ADCY3: variants seen among roughly 807,000 people sequenced by gnomAD.
ADCY3 encodes the protein adenylate cyclase type 3.
Under a neutral mutation model 119.4 loss-of-function variants are expected in ADCY3, and 70 were observed. The ratio of observed to expected loss-of-function variants is 0.59; its 90% confidence interval spans 0.48 to 0.72. ADCY3 has a LOEUF of 0.72. Among genes scored for constraint, ADCY3 ranks in the 30% least tolerant of loss-of-function variants. ADCY3 has a pLI of 0.00. For synonymous variants in ADCY3, 672 were observed against 621.4 expected, an observed-to-expected ratio of 1.08 and a Z score of -1.21; for missense variants, 1,238 against 1,541.6, an observed-to-expected ratio of 0.80 and a Z score of 3.30.
chr2:24,875,540 G>A (rs1434911932), intron 2 of ADCY3, among the ~76,000 whole-genome samples: 1 of 152,276 alleles, frequency 6.6e-6, no homozygotes, highest in African/African-American at 2.4e-5. Context: ...AGCTGCGCTT[G>A]TGGTGGGAGA....
intron 7 of ADCY3, chr2:24,838,946 T>TC: frequency 7.2e-7 from 1 of 1,396,846 alleles, no homozygotes; most frequent in Non-Finnish European, 9.6e-7. Context: ...AAGGAATTTT[T>TC]TTTTTTTTTT....
chr2:24,899,818 C>T lies in ADCY3; in HGVS notation c.675+18495G>A, dbSNP rs1251024367. 6.6e-6 allele frequency among the ~76,000 whole-genome samples: 1 copy of T among 152,152 alleles called. No individual in the cohort carries two copies. Among genetic ancestry groups the T allele is most frequent in the East Asian group, 1.9e-4 (1 of 5,190 alleles). ...AGAAAGATCTCTGGAAGTATCCACACCAAACATTTGGCAATGGGTACCTAT... is the reference window on the plus strand; with the variant it reads ...AGAAAGATCTCTGGAAGTATCCACATCAAACATTTGGCAATGGGTACCTAT... On this transcript the variant is annotated intron_variant, in intron 2 of 21. Transcript: ENST00000679454. This position sits in a 1 kb window ranked among gnomAD's most constrained non-coding sequence, Gnocchi z 4.5.
rs376337679 is a variant in ADCY3 at position 24,819,961 on chromosome 2, G to C, written c.3406C>G (p.Leu1136Val). ...GAGTTGTCCACCACCTGGTGGGGCA[G>C]TGTGACAGAGGGGCCATTGGGGAAG... ...ATFPNGPSVT[L>V]PHQVVDNS The change falls in exon 22 of 22, where the codon CTG becomes GTG. Residue 1136 changes from leucine to valine, a missense_variant. Leu to Val is a conservative substitution (Grantham distance 32, BLOSUM62 1). Transcript: ENST00000679454. The C allele has an allele frequency of 6.2e-7, 1 of 1,613,956 alleles. No individual in the cohort carries two copies. Among genetic ancestry groups the C allele is most frequent in the Non-Finnish European group, 8.5e-7 (1 of 1,179,920 alleles).
At chr2:24,853,006 GTGTGTGTGTGTGTGTGTGTGT>G (rs757200706) in intron 3 of ADCY3, among the ~76,000 whole-genome samples, 8 of 85,450 alleles carry the variant, frequency 9.4e-5, no homozygotes, top group Non-Finnish European at 2.4e-4. Context: ...CAGCTGGAGG[GTGTGTGTGTGTGTGTGTGTGT>G]GTGTGTGTGT....
intron 17 of ADCY3, 54 bp from the exon 18 acceptor site, chr2:24,823,409 G>A (rs1173557772): frequency 5.7e-6 from 9 of 1,580,648 alleles, no homozygotes; most frequent in East Asian, 2.3e-5. Flanking sequence ...ACTGGATGAT[G>A]TGTTGGAGAA....
At position 24,841,496 on chromosome 2, in the gene ADCY3, G is replaced by A. The variant is rs999379182; in HGVS notation, c.1068+60C>T. ...GAAAATCATGGGGCCGGGGATGGGG[G>A]CCAGGCAGAGGCCATGAGGGCAGGC... is the stretch of plus-strand genomic sequence containing the variant. On this transcript the variant is annotated intron_variant, in intron 5 of 21. Transcript: ENST00000679454. This position sits in a 1 kb window ranked among gnomAD's most constrained non-coding sequence, Gnocchi z 5.8. 1.3e-6 allele frequency: 2 copies of A among 1,590,664 alleles called. No homozygotes were observed. Among genetic ancestry groups the A allele is most frequent in the South Asian group, 1.1e-5 (1 of 89,326 alleles).
chr2:24,826,868 G>C (rs1185681148), intron 15 of ADCY3, among the ~76,000 whole-genome samples: 1 of 152,152 alleles, frequency 6.6e-6, no homozygotes, highest in Non-Finnish European at 1.5e-5. Flanking sequence ...TAACACGGTT[G>C]TACTAACTCA....
At chr2:24,835,154 C>T (rs772534913) in intron 9 of ADCY3, among the ~76,000 whole-genome samples, 1 of 152,184 alleles carries the variant, frequency 6.6e-6, no homozygotes, top group Non-Finnish European at 1.5e-5. Context: ...TTTCCTGGCT[C>T]CCCGGGCCCC....
chr2:24,828,103 T>A lies in ADCY3; in HGVS notation c.2231A>T (p.Glu744Val), dbSNP rs747327769. 6.2e-7 allele frequency: 1 copy of A among 1,614,072 alleles called. No homozygotes were observed. The highest frequency in any genetic ancestry group is 1.7e-5 in the Admixed American group (1 of 60,016). Residue 744 changes from glutamate to valine, a missense_variant, in exon 14 of 22, where the codon GAG (glutamate) becomes GTG (valine). This residue lies in a region of ADCY3 where 499 missense variants were observed against 571.0 expected (regional missense o/e 0.87). Transcript: ENST00000679454. ...PSNATAGMET[E>V]GSCLENPKYY... ...CTTGGGGTTCTCCAGGCAGCTGCCCTCCGTTTCCATCCCTGCCGTTGCATT... is the reference window on the plus strand; with the variant it reads ...CTTGGGGTTCTCCAGGCAGCTGCCCACCGTTTCCATCCCTGCCGTTGCATT...
At chr2:24,830,603 C>G in intron 13 of ADCY3, 106 bp downstream of exon 13, 1 of 810,522 alleles carries the variant, frequency 1.2e-6, no homozygotes, top group East Asian at 2.5e-5. Context: ...TCCAAAGCTA[C>G]ATGACGGTGG....
chr2:24,848,772 G>C (rs1353180742), intron 3 of ADCY3, among the ~76,000 whole-genome samples: 1 of 152,208 alleles, frequency 6.6e-6, no homozygotes, highest in Non-Finnish European at 1.5e-5. Context: ...GGCTCAAAAA[G>C]ACAGGGCTTA....
chr2:24,897,515 G>C (rs1678420782), intron 2 of ADCY3, among the ~76,000 whole-genome samples: 1 of 152,154 alleles, frequency 6.6e-6, no homozygotes. Context: ...AATCTCCCCA[G>C]GGTTGGGGAG....
At chr2:24,915,609 C>A (rs1461055360) in intron 2 of ADCY3, among the ~76,000 whole-genome samples, 1 of 152,290 alleles carries the variant, frequency 6.6e-6, no homozygotes, top group South Asian at 2.1e-4. Context: ...GGTGCGATCT[C>A]GGCTCACTAC....
chr2:24,855,473 G>A (rs1331875510), intron 3 of ADCY3, among the ~76,000 whole-genome samples: 1 of 152,216 alleles, frequency 6.6e-6, no homozygotes, highest in Non-Finnish European at 1.5e-5. Context: ...GGAGGAGGGG[G>A]ATGTGGCCAA....
intron 2 of ADCY3, among the ~76,000 whole-genome samples, chr2:24,873,015 C>A (rs543806466): frequency 1.3e-5 from 2 of 152,238 alleles, no homozygotes; most frequent in Non-Finnish European, 2.9e-5. Context: ...GTGGATCCCC[C>A]CTCCGGCTTC....
chr2:24,834,986 G>A lies in ADCY3; in HGVS notation c.1663-50C>T. On this transcript the variant is annotated intron_variant, in intron 9 of 21. Coordinates refer to ENST00000679454, the MANE Select transcript of ADCY3 (RefSeq NM_004036.5). The surrounding 1 kb of genome is among the most constrained non-coding windows in gnomAD (Gnocchi z 4.2). ...GTGGGGCAGATGGGACAGAGTGGTGGGGAAGAGCTGGGAAAGACAGAGGTG... is the reference window on the plus strand; with the variant it reads ...GTGGGGCAGATGGGACAGAGTGGTGAGGAAGAGCTGGGAAAGACAGAGGTG... 5 of 1,584,458 alleles carry A rather than the reference G, an allele frequency of 3.2e-6. No individual in the cohort carries two copies. Among genetic ancestry groups the A allele is most frequent in the Non-Finnish European group, 3.4e-6 (4 of 1,162,910 alleles).
rs199681196 is a variant in ADCY3 at position 24,820,112 on chromosome 2, C to G, written c.3255G>C (p.Val1085=). 1.6e-5 allele frequency: 25 copies of G among 1,541,706 alleles called. No individual in the cohort carries two copies. The highest frequency in any genetic ancestry group is 2.2e-5 in the Non-Finnish European group (25 of 1,143,638). ...GGAGGATGACTTGGGTTTCTTCTACCACCTGGAGAGGGAGGGGGAGCAAGA... is the reference window on the plus strand; with the variant it reads ...GGAGGATGACTTGGGTTTCTTCTACGACCTGGAGAGGGAGGGGGAGCAAGA... The part of the protein sequence containing the change: ...ESTGVMGNIQ[V]VEETQVILRE... The change falls in exon 22 of 22, where the codon GTG becomes GTC. Residue 1085 remains valine, a splice_region_variant and synonymous_variant. Coordinates refer to ENST00000679454, the MANE Select transcript of ADCY3 (RefSeq NM_004036.5).
chr2:24,919,042 G>A lies in ADCY3; in HGVS notation c.-55C>T. On this transcript the variant is annotated 5_prime_UTR_variant, in exon 2 of 22. Transcript: ENST00000679454. This position sits in a 1 kb window ranked among gnomAD's most constrained non-coding sequence, Gnocchi z 5.5. ...GAAGTGGACTGGGAACGGAGGAAGA[G>A]CTCTGGACTGGGCCTCCTCTCAGGG... 1 of 1,478,690 alleles carries A rather than the reference G, an allele frequency of 6.8e-7. No individual in the cohort carries two copies. Among genetic ancestry groups the A allele is most frequent in the East Asian group, 2.5e-5 (1 of 40,438 alleles). 91.6% of individuals were successfully genotyped at this position (1,478,690 alleles called of 1,614,324 possible).
intron 13 of ADCY3, 70 bp downstream of exon 13, chr2:24,830,639 G>A (rs1227784536): frequency 4.8e-6 from 6 of 1,246,816 alleles, no homozygotes; most frequent in Non-Finnish European, 6.9e-6. Context: ...AACTGCTTGT[G>A]TGACCCAAAC....
Sources: gnomAD v4.1 joint callset for allele counts (sites outside exome capture counted in the v4.1 genomes callset) on GRCh38, gnomAD v4.1.1 for gene constraint, gnomAD v4.1.1 regional missense constraint, Gnocchi (gnomAD v3.1) non-coding constraint, MANE v1.5 for transcripts, NCBI Gene and HGNC (gene_info 2026-07-23, HGNC 2026-07-21) for gene names.